Variants in TSPAN14 observed in about 807,000 individuals in gnomAD.
The protein encoded by TSPAN14 is tetraspanin 14.
In TSPAN14, 16 loss-of-function variants were observed where a neutral mutation model predicts 36.6. That is an observed-to-expected ratio of 0.44 (90% CI 0.30 to 0.66). The LOEUF (loss-of-function observed/expected upper bound fraction) is 0.66, where lower values mean the gene tolerates loss of function less well. TSPAN14 is among the 30% of genes least tolerant of loss of function. The probability of loss-of-function intolerance (pLI) is 0.12; values close to 1 mark genes in which losing one functional copy is unlikely to be tolerated. For synonymous variants in TSPAN14, 139 were observed against 143.8 expected (o/e 0.97, Z 0.24); for missense variants, 231 against 355.1 (o/e 0.65, Z 2.81).
intron 2 of TSPAN14, among the ~76,000 whole-genome samples, chr10:80,492,676 C>T (rs188524586): frequency 1.1e-4 from 17 of 152,144 alleles, no homozygotes; most frequent in African/African-American, 3.6e-4. Context: ...ATTAGCCGGG[C>T]GTGGTGGTGG....
At chr10:80,460,309 T>C (rs1845908317) in intron 1 of TSPAN14, among the ~76,000 whole-genome samples, 1 of 152,132 alleles carries the variant, frequency 6.6e-6, no homozygotes, top group Non-Finnish European at 1.5e-5. Flanking sequence ...ACCTGGGAGA[T>C]AGTACAGGAT....
intron 3 of TSPAN14, among the ~76,000 whole-genome samples, chr10:80,506,259 C>T (rs963764673): frequency 5.3e-5 from 8 of 152,186 alleles, no homozygotes; most frequent in East Asian, 1.9e-4. Context: ...AGACGTGAGC[C>T]GCCATGCCCA....
chr10:80,480,941 T>C (rs1400223214), intron 1 of TSPAN14, among the ~76,000 whole-genome samples: 9 of 151,852 alleles, frequency 5.9e-5, no homozygotes, highest in Non-Finnish European at 1.5e-5. Context: ...AATAATAAAA[T>C]AAAAGAATAT....
At chr10:80,461,897 G>C (rs1038552328) in intron 1 of TSPAN14, among the ~76,000 whole-genome samples, 2 of 150,306 alleles carry the variant, frequency 1.3e-5, no homozygotes, top group Non-Finnish European at 1.5e-5. Context: ...TCTCACTGTT[G>C]TGAGATCTCA....
rs531419835 is a variant in TSPAN14, at chr10:80,482,694, G to A, written c.-17-6523G>A. On this transcript the variant is annotated intron_variant, in intron 1 of 8. Coordinates refer to ENST00000429989, the Ensembl canonical transcript of TSPAN14. ...GTTGTGATAAGATTTGAAAACCCTT[G>A]TTTAGTGGTTTCTCATTGTCAGTTC... Among the ~76,000 whole-genome samples the A allele has an allele frequency of 4.3e-5, 6 of 139,930 alleles. 1 individual carries two copies. In the South Asian group the frequency reaches 1.4e-3, roughly 32 times the overall value. The allele number at this position is 139,930 out of a possible 152,430, so 91.8% of individuals were successfully genotyped here. A position where few individuals can be genotyped will look rare whatever the true frequency, so the allele number is the denominator to read the frequency against.
chr10:80,507,466 G>A, intron 4 of TSPAN14, 92 bp downstream of exon 4: 1 of 1,552,360 alleles, frequency 6.4e-7, no homozygotes, highest in East Asian at 2.3e-5. Flanking sequence ...AGAGCAGGTG[G>A]CAGCTCTTAG....
intron 6 of TSPAN14, 43 bp downstream of exon 6, chr10:80,512,312 G>A (rs1318060613): frequency 1.9e-6 from 3 of 1,608,334 alleles, no homozygotes; most frequent in Admixed American, 1.7e-5. Flanking sequence ...CGCCCTTCCT[G>A]AAGCCCAGAA....
chr10:80,456,643 C>A (rs947051537), intron 1 of TSPAN14, among the ~76,000 whole-genome samples: 2 of 152,192 alleles, frequency 1.3e-5, no homozygotes, highest in African/African-American at 4.8e-5. Flanking sequence ...TTGTGCCAGG[C>A]CTGGGAAACC....
At chr10:80,459,249 T>C (rs2131949046) in intron 1 of TSPAN14, 1 of 152,434 alleles carries the variant, frequency 6.6e-6, no homozygotes, top group East Asian at 1.9e-4. Context: ...GGGCTGTGGT[T>C]TTCTTTTAGG....
chr10:80,512,369 G>A (rs1840707768), intron 6 of TSPAN14, 100 bp downstream of exon 6: 10 of 1,495,188 alleles, frequency 6.7e-6, no homozygotes, highest in African/African-American at 1.4e-5. Context: ...CTGTCATGGA[G>A]GTCTGAGGAG....
intron 1 of TSPAN14, among the ~76,000 whole-genome samples, chr10:80,480,799 A>G (rs1292098837): frequency 6.7e-6 from 1 of 148,744 alleles, no homozygotes; most frequent in Non-Finnish European, 1.5e-5. Flanking sequence ...GGGAGGAGGG[A>G]GGGATAACTT....
chr10:80,489,062 C>G (rs1847781283), intron 1 of TSPAN14, 155 bp from the exon 2 acceptor site: 1 of 579,312 alleles, frequency 1.7e-6, no homozygotes, highest in Admixed American at 2.9e-5. Context: ...TTTTGCATTA[C>G]CTATACCTGG....
rs563168220 is a variant in TSPAN14, at chr10:80,511,234, A to G, written c.451-910A>G. On this transcript the variant is annotated intron_variant, in intron 5 of 8. Coordinates refer to ENST00000429989, the Ensembl canonical transcript of TSPAN14. ...TTTCTTTGTAGCCACACCAGATGCG[A>G]GGAAGGGGAGGGCAGAGGCCCCAGG... is the stretch of plus-strand genomic sequence containing the variant. Among the ~76,000 whole-genome samples, 156 of 152,280 alleles carry G rather than the reference A, an allele frequency of 1.0e-3. 1 individual carries two copies. Among genetic ancestry groups the G allele is most frequent in the Admixed American group, 1.4e-3 (22 of 15,300 alleles).
chr10:80,513,665 G>T (rs146680326), intron 6 of TSPAN14, among the ~76,000 whole-genome samples: 20 of 152,198 alleles, frequency 1.3e-4, no homozygotes, highest in African/African-American at 4.8e-4. Context: ...TAAATCAAAA[G>T]AAGAATAATA....
At chr10:80,522,128 G>A (rs1465218191) in exon 9 of TSPAN14, 1 of 152,174 alleles carries the variant, frequency 6.6e-6, no homozygotes, top group Non-Finnish European at 1.5e-5. Context: ...TTCCTTACAA[G>A]GCTCCGAAAC....
chr10:80,512,027 T>A, intron 5 of TSPAN14, 117 bp from the exon 6 acceptor site: 1 of 1,510,694 alleles, frequency 6.6e-7, no homozygotes, highest in Non-Finnish European at 9.0e-7. Flanking sequence ...GGCCTTGATT[T>A]CTCTGCATGG....
rs3748241 is a variant in TSPAN14, at chr10:80,518,482, G to A, written c.*506G>A. 1.9e-4 allele frequency: 32 copies of A among 172,878 alleles called. No individual in the cohort carries two copies. The East Asian group carries it at 4.7e-3, about 26-fold the overall frequency. The allele number at this position is 172,878 out of a possible 1,614,324, so 10.7% of individuals were successfully genotyped here. A position where few individuals can be genotyped will look rare whatever the true frequency, so the allele number is the denominator to read the frequency against. On this transcript the variant is annotated 3_prime_UTR_variant, in exon 9 of 9. Transcript: ENST00000429989. The stretch of plus-strand genomic sequence containing the variant: ...CGTAACGGGAGGCGGACGTGGCCCC[G>A]CTGGGCCTCTGAGTGCCAGCGCAGT...
At chr10:80,495,625 C>T (rs1848159421) in intron 2 of TSPAN14, among the ~76,000 whole-genome samples, 1 of 152,202 alleles carries the variant, frequency 6.6e-6, no homozygotes, top group Non-Finnish European at 1.5e-5. Context: ...CTTGCACGTA[C>T]TTTCAAGTCT....
chr10:80,458,273 A>G (rs1845821320), intron 1 of TSPAN14, among the ~76,000 whole-genome samples: 1 of 151,972 alleles, frequency 6.6e-6, no homozygotes, highest in Non-Finnish European at 1.5e-5. Flanking sequence ...TGGGGATGGG[A>G]TTGAGTGTGG....
Sources: gnomAD v4.1 joint callset for allele counts (sites outside exome capture counted in the v4.1 genomes callset) on GRCh38, gnomAD v4.1.1 for gene constraint, MANE v1.5 for transcripts, NCBI Gene and HGNC (gene_info 2026-07-23, HGNC 2026-07-21) for gene names.